The following SHC4 variants were observed in gnomAD, a reference collection of about 807,000 sequenced individuals.
SHC4 encodes SHC-transforming protein 4.
SHC4 carries 41 observed loss-of-function variants against 69.4 expected under a neutral mutation model. The ratio of observed to expected loss-of-function variants is 0.59; its 90% CI spans 0.46 to 0.77. The LOEUF (loss-of-function observed/expected upper bound fraction) is 0.77, where lower values mean the gene tolerates loss of function less well. Among genes scored for constraint, SHC4 ranks in the 30% least tolerant of loss-of-function variants. The probability of loss-of-function intolerance (pLI) is 0.00; values close to 1 mark genes in which losing one functional copy is unlikely to be tolerated. For missense variants in SHC4, 777 were observed against 783.8 expected (o/e 0.99, Z 0.10); for synonymous variants, 318 against 299.3 (o/e 1.06, Z -0.64).
At chr15:48,852,200 T>C (rs1899226689) in intron 8 of SHC4, among the ~76,000 whole-genome samples, 1 of 152,128 alleles carries the variant, frequency 6.6e-6, no homozygotes, top group Non-Finnish European at 1.5e-5. Flanking sequence ...AGGAAGTGTG[T>C]ACACAAGTGG....
At chr15:48,877,667 T>C (rs1899836885) in intron 4 of SHC4, 1 of 674,032 alleles carries the variant, frequency 1.5e-6, no homozygotes, top group Non-Finnish European at 1.8e-6. Flanking sequence ...ATATATCTGT[T>C]GTTTGTGAAT....
intron 1 of SHC4, among the ~76,000 whole-genome samples, chr15:48,958,410 G>T (rs746755636): frequency 6.6e-6 from 1 of 152,194 alleles, no homozygotes; most frequent in Non-Finnish European, 1.5e-5. Context: ...GAAGTATCCT[G>T]TGGATCACAG....
At chr15:48,926,513 T>C (rs4774530) in intron 1 of SHC4, among the ~76,000 whole-genome samples, 48,814 of 151,306 alleles carry the variant, frequency 0.32, 8,393 homozygotes, top group East Asian at 0.53. Context: ...CCCAGGCTGG[T>C]GTGCAGTGGC....
At chr15:48,853,820 C>T (rs994749473) in intron 8 of SHC4, among the ~76,000 whole-genome samples, 1 of 151,994 alleles carries the variant, frequency 6.6e-6, no homozygotes, top group Non-Finnish European at 1.5e-5. Flanking sequence ...TTACTTTTCA[C>T]CATATACAAG....
chr15:48,885,677 C>T (rs144670628), intron 3 of SHC4, among the ~76,000 whole-genome samples: 2 of 152,320 alleles, frequency 1.3e-5, no homozygotes, highest in East Asian at 1.9e-4. Context: ...CATTCTGGAG[C>T]CATACCAAAC....
intron 2 of SHC4, among the ~76,000 whole-genome samples, chr15:48,900,834 G>T (rs143157475): frequency 1.5e-4 from 23 of 152,126 alleles, no homozygotes; most frequent in African/African-American, 4.8e-4. Context: ...AGGGCTTGGG[G>T]GTCAGAAGTT....
chr15:48,941,059 C>T (rs528089159), intron 1 of SHC4, among the ~76,000 whole-genome samples: 25 of 152,264 alleles, frequency 1.6e-4, no homozygotes, highest in Non-Finnish European at 3.5e-4. Context: ...TAGAGATGAT[C>T]CATTCCAACT....
intron 4 of SHC4, among the ~76,000 whole-genome samples, chr15:48,872,391 C>A (rs1315750383): frequency 6.6e-6 from 1 of 152,140 alleles, no homozygotes; most frequent in Non-Finnish European, 1.5e-5. Flanking sequence ...TCAGAAAATA[C>A]CATCTCTCTG....
chr15:48,912,082 A>G lies in SHC4; in HGVS notation c.656+12797T>C, dbSNP rs139967450. On this transcript the variant is annotated intron_variant, in intron 2 of 11. Transcript: ENST00000332408. ...GTGCCTAGGCAAAGATGTTTTTGTG[A>G]TTAATTTCCCAGGTGTTCTTTGTGC... Among the ~76,000 whole-genome samples, 32 of 152,250 alleles carry G rather than the reference A, an allele frequency of 2.1e-4. No individual in the cohort carries two copies. In the East Asian group the frequency reaches 6.2e-3, roughly 29 times the overall value.
intron 1 of SHC4, chr15:48,946,710 C>T (rs1308548702): frequency 2.4e-6 from 1 of 425,256 alleles, no homozygotes; most frequent in Non-Finnish European, 3.1e-6. Context: ...AACATTCTCT[C>T]CCCAGAACAT....
intron 4 of SHC4, among the ~76,000 whole-genome samples, chr15:48,881,392 C>T (rs960630769): frequency 8.9e-5 from 13 of 146,568 alleles, no homozygotes; most frequent in African/African-American, 1.3e-4. Context: ...AAAAAAAAAC[C>T]ATCTGATTCA....
chr15:48,849,239 C>T (rs568324967), intron 9 of SHC4, among the ~76,000 whole-genome samples: 1 of 152,146 alleles, frequency 6.6e-6, no homozygotes, highest in Non-Finnish European at 1.5e-5. Flanking sequence ...CCTGCTCTCT[C>T]TCCCTCTCTC....
intron 5 of SHC4, among the ~76,000 whole-genome samples, chr15:48,868,799 A>G (rs998913972): frequency 2.6e-5 from 4 of 152,240 alleles, no homozygotes; most frequent in Non-Finnish European, 4.4e-5. Flanking sequence ...TTGGGCAATT[A>G]AAGAAAATAA....
At chr15:48,906,657 G>A (rs1900410604) in intron 2 of SHC4, among the ~76,000 whole-genome samples, 1 of 152,160 alleles carries the variant, frequency 6.6e-6, no homozygotes, top group Non-Finnish European at 1.5e-5. Flanking sequence ...AACCAGAGAT[G>A]GGGGTGTCCC....
chr15:48,851,633 G>C (rs1029879227), intron 8 of SHC4, among the ~76,000 whole-genome samples: 3 of 152,148 alleles, frequency 2.0e-5, no homozygotes, highest in Non-Finnish European at 4.4e-5. Context: ...TGAATTGGTA[G>C]ATTGGATTTC....
At chr15:48,951,891 C>T (rs117897646) in intron 1 of SHC4, among the ~76,000 whole-genome samples, 2,040 of 152,294 alleles carry the variant, frequency 0.013, 21 homozygotes, top group Non-Finnish European at 0.018. Flanking sequence ...CTTTGCTTTA[C>T]TTTCCTACCA....
At chr15:48,865,282 G>A (rs140498293) in intron 6 of SHC4, among the ~76,000 whole-genome samples, 1 of 152,294 alleles carries the variant, frequency 6.6e-6, no homozygotes, top group Non-Finnish European at 1.5e-5. Context: ...AGCACTAGAG[G>A]ACTGTGTGCA....
intron 4 of SHC4, chr15:48,878,348 A>T: frequency 1.2e-6 from 2 of 1,613,584 alleles, no homozygotes; most frequent in Non-Finnish European, 1.7e-6. Flanking sequence ...GGAAGGCCCA[A>T]TGGAGGAGGA....
intron 6 of SHC4, among the ~76,000 whole-genome samples, chr15:48,861,137 AT>A (rs1899432292): frequency 6.6e-6 from 1 of 152,148 alleles, no homozygotes; most frequent in South Asian, 2.1e-4. Flanking sequence ...ATATTACTTT[AT>A]TTATTATAGA....
Sources: gnomAD v4.1 joint callset for allele counts (sites outside exome capture counted in the v4.1 genomes callset) on GRCh38, gnomAD v4.1.1 for gene constraint, MANE v1.5 for transcripts, NCBI Gene and HGNC (gene_info 2026-07-23, HGNC 2026-07-21) for gene names.